MAGI2: variants seen among roughly 807,000 people sequenced by gnomAD.
MAGI2 encodes the protein membrane associated guanylate kinase, WW and PDZ domain containing 2, also known as membrane-associated guanylate kinase, WW and PDZ domain-containing protein 2.
Under a neutral mutation model 133.3 loss-of-function variants are expected in MAGI2, and 35 were observed. That is an observed-to-expected ratio of 0.26 (90% CI 0.20 to 0.35). The LOEUF (loss-of-function observed/expected upper bound fraction) is 0.35, where lower values mean the gene tolerates loss of function less well. MAGI2 is among the 10% of genes least tolerant of loss of function. The pLI, the probability that MAGI2 is intolerant of heterozygous loss-of-function variation, is 1.00. For missense variants in MAGI2, 1,636 were observed against 1,863.4 expected, an observed-to-expected ratio of 0.88 and a Z score of 2.25; for synonymous variants, 729 against 710.6, an observed-to-expected ratio of 1.03 and a Z score of -0.41.
At chr7:78,607,896 G>C (rs1805995524) in intron 3 of MAGI2, among the ~76,000 whole-genome samples, 1 of 152,082 alleles carries the variant, frequency 6.6e-6, no homozygotes, top group South Asian at 2.1e-4. Context: ...TTGGCTCTCA[G>C]CCTCCTATGA....
intron 3 of MAGI2, among the ~76,000 whole-genome samples, chr7:78,533,890 T>A (rs1019768727): frequency 1.3e-5 from 2 of 152,076 alleles, no homozygotes; most frequent in Non-Finnish European, 2.9e-5. Flanking sequence ...CAATAGACAT[T>A]TGATAGGCAA....
intron 2 of MAGI2, among the ~76,000 whole-genome samples, chr7:78,765,148 G>T (rs1824884117): frequency 1.3e-5 from 2 of 152,074 alleles, no homozygotes; most frequent in South Asian, 4.1e-4. Context: ...TTTCTTACAT[G>T]GAAAATCCTG....
chr7:78,707,923 G>T (rs962468977), intron 2 of MAGI2, among the ~76,000 whole-genome samples: 3 of 152,102 alleles, frequency 2.0e-5, no homozygotes, highest in Non-Finnish European at 4.4e-5. Context: ...AAAGTAAAAT[G>T]TAAGTAAAGG....
chr7:79,337,964 AT>A (rs1181581212), intron 1 of MAGI2, among the ~76,000 whole-genome samples: 7 of 152,060 alleles, frequency 4.6e-5, no homozygotes, highest in South Asian at 2.1e-4. Context: ...ATATCTTCCT[AT>A]TTTTAGGACA....
intron 1 of MAGI2, among the ~76,000 whole-genome samples, chr7:79,306,275 T>C (rs1271324173): frequency 3.4e-5 from 5 of 147,012 alleles, no homozygotes; most frequent in Admixed American, 1.4e-4. Flanking sequence ...ATATATTTTA[T>C]TTATATGTAT....
At chr7:78,942,143 A>T (rs1167479363) in intron 2 of MAGI2, among the ~76,000 whole-genome samples, 1 of 152,196 alleles carries the variant, frequency 6.6e-6, no homozygotes, top group Non-Finnish European at 1.5e-5. Flanking sequence ...CCTCCTATGT[A>T]GCTTGATCCC....
intron 1 of MAGI2, among the ~76,000 whole-genome samples, chr7:79,377,798 C>T (rs944979373): frequency 7.9e-5 from 12 of 151,446 alleles, no homozygotes; most frequent in South Asian, 2.1e-4. Context: ...ACGGACACAC[C>T]AACAAAAAAC....
chr7:78,909,619 A>G (rs1156954407), intron 2 of MAGI2, among the ~76,000 whole-genome samples: 1 of 150,830 alleles, frequency 6.6e-6, no homozygotes, highest in Non-Finnish European at 1.5e-5. Flanking sequence ...AAAAAAAAAA[A>G]AAAAAAAGTC....
chr7:78,258,234 C>T (rs1436147199), intron 9 of MAGI2, among the ~76,000 whole-genome samples: 1 of 152,144 alleles, frequency 6.6e-6, no homozygotes, highest in Non-Finnish European at 1.5e-5. Flanking sequence ...TGGACATTCC[C>T]TCACTGTTAT....
chr7:78,961,716 A>T (rs1325381661), intron 2 of MAGI2, among the ~76,000 whole-genome samples: 1 of 152,096 alleles, frequency 6.6e-6, no homozygotes, highest in Non-Finnish European at 1.5e-5. Flanking sequence ...TTTAGAGCTA[A>T]GCTTTCTCCT....
chr7:78,323,119 G>A (rs1788189810), intron 9 of MAGI2, among the ~76,000 whole-genome samples: 1 of 151,078 alleles, frequency 6.6e-6, no homozygotes, highest in Non-Finnish European at 1.5e-5. Context: ...AGGTTTTGCA[G>A]TTTCCAAAAT....
chr7:78,557,734 G>A (rs917450241), intron 3 of MAGI2, among the ~76,000 whole-genome samples: 1 of 152,126 alleles, frequency 6.6e-6, no homozygotes, highest in African/African-American at 2.4e-5. Context: ...GCCCTCCAAG[G>A]AACAAGCAGT....
At chr7:78,781,369 A>G (rs375879822) in intron 2 of MAGI2, among the ~76,000 whole-genome samples, 35 of 116,586 alleles carry the variant, frequency 3.0e-4, no homozygotes, top group African/African-American at 1.1e-3. Context: ...ACACAGTGAG[A>G]CTCCGTCTCA....
chr7:78,397,353 C>T (rs919934521), intron 6 of MAGI2, among the ~76,000 whole-genome samples: 8 of 130,620 alleles, frequency 6.1e-5, no homozygotes, highest in Non-Finnish European at 1.3e-4. Context: ...TATAATATCA[C>T]ATTTGAAATT....
At chr7:78,095,918 G>C (rs562381359) in intron 20 of MAGI2, among the ~76,000 whole-genome samples, 2 of 152,236 alleles carry the variant, frequency 1.3e-5, no homozygotes, top group Admixed American at 1.3e-4. Context: ...AATAAAAACA[G>C]GGAACTAGAT....
chr7:79,119,352 G>A (rs563178209), intron 1 of MAGI2, among the ~76,000 whole-genome samples: 2 of 152,016 alleles, frequency 1.3e-5, no homozygotes, highest in Non-Finnish European at 2.9e-5. Flanking sequence ...AACAATATAC[G>A]TGCAGAGCAG....
At chr7:78,823,812 T>A (rs1333196892) in intron 2 of MAGI2, among the ~76,000 whole-genome samples, 3 of 152,074 alleles carry the variant, frequency 2.0e-5, no homozygotes, top group Non-Finnish European at 4.4e-5. Context: ...AGCAATCAAG[T>A]CCAATTGGTG....
intron 3 of MAGI2, among the ~76,000 whole-genome samples, chr7:78,529,666 TG>T (rs1797272904): frequency 2.4e-5 from 3 of 123,386 alleles, no homozygotes; most frequent in African/African-American, 9.5e-5. Flanking sequence ...CTAAAGGAGA[TG>T]GTTTTTTTTT....
intron 10 of MAGI2, among the ~76,000 whole-genome samples, chr7:78,219,707 A>G (rs1462108772): frequency 6.6e-6 from 1 of 152,192 alleles, no homozygotes; most frequent in East Asian, 1.9e-4. Context: ...ATAGCAAACC[A>G]TTCTCCAATC....
Sources: gnomAD v4.1 joint callset for allele counts (sites outside exome capture counted in the v4.1 genomes callset) on GRCh38, gnomAD v4.1.1 for gene constraint, MANE v1.5 for transcripts, NCBI Gene and HGNC (gene_info 2026-07-23, HGNC 2026-07-21) for gene names.